CNST: variants seen among roughly 807,000 people sequenced by gnomAD.
The protein encoded by CNST is consortin.
In CNST, 39 loss-of-function variants were observed where a neutral mutation model predicts 72.4. The observed-to-expected ratio is 0.54, with a 90% CI of 0.42 to 0.70. The LOEUF is 0.70. CNST is among the 30% of genes least tolerant of loss of function. The probability of loss-of-function intolerance (pLI) is 0.00; values close to 1 mark genes in which losing one functional copy is unlikely to be tolerated. For missense variants in CNST, 871 were observed against 868.5 expected (o/e 1.00, Z -0.04); for synonymous variants, 332 against 320.1 (o/e 1.04, Z -0.40).
chr1:246,624,222 C>G (rs1276120352), intron 3 of CNST, among the ~76,000 whole-genome samples: 2 of 152,192 alleles, frequency 1.3e-5, no homozygotes, highest in Non-Finnish European at 2.9e-5. Context: ...TGTTGAGTAG[C>G]ACCAACATCA....
intron 1 of CNST, chr1:246,569,882 C>T: frequency 3.1e-6 from 3 of 953,254 alleles, no homozygotes; most frequent in Non-Finnish European, 3.7e-6. Flanking sequence ...GTATGAGTTT[C>T]TGTCGACTAA....
chr1:246,626,224 AT>A (rs1441543153), intron 3 of CNST, among the ~76,000 whole-genome samples: 2 of 151,096 alleles, frequency 1.3e-5, no homozygotes, highest in African/African-American at 4.9e-5. Flanking sequence ...TAATTTTTTT[AT>A]TTTTTTGTAG....
chr1:246,579,326 T>C (rs568641607), intron 1 of CNST, among the ~76,000 whole-genome samples: 1 of 152,332 alleles, frequency 6.6e-6, no homozygotes, highest in African/African-American at 2.4e-5. Flanking sequence ...TCTGCCTTGT[T>C]GCCCATTAGG....
rs1410523462 is a variant in CNST at position 246,666,768 on chromosome 1, T to TA, written c.*864dup. The TA allele has an allele frequency of 6.6e-5, 10 of 152,236 alleles. No homozygotes were observed. The highest frequency in any genetic ancestry group is 8.8e-5 in the Non-Finnish European group (6 of 68,042). The allele number at this position is 152,236 out of a possible 1,614,324, so 9.4% of individuals were successfully genotyped here. On this transcript the variant is annotated 3_prime_UTR_variant, in exon 11 of 11. Coordinates refer to ENST00000366513, the MANE Select transcript of CNST (RefSeq NM_152609.3). ...TGCTGGACTCAGTTTGGCAAACGCT[T>TA]ACACCTATTATGTTCTGAGATTCTG...
intron 2 of CNST, among the ~76,000 whole-genome samples, chr1:246,604,113 C>T (rs1328122518): frequency 2.0e-5 from 3 of 151,958 alleles, no homozygotes; most frequent in Non-Finnish European, 2.9e-5. Flanking sequence ...GTGCCTGTAC[C>T]ATTATAGGCA....
At chr1:246,639,337 G>T (rs186295966) in intron 6 of CNST, among the ~76,000 whole-genome samples, 250 of 152,164 alleles carry the variant, frequency 1.6e-3, no homozygotes, top group African/African-American at 5.7e-3. Context: ...TTAGTATAAC[G>T]GTTTGGCAAG....
intron 10 of CNST, among the ~76,000 whole-genome samples, chr1:246,664,349 C>T (rs752510649): frequency 2.6e-5 from 4 of 152,056 alleles, no homozygotes; most frequent in Admixed American, 6.5e-5. Context: ...TATGTTGAAA[C>T]TATATGTCCC....
chr1:246,583,154 A>C (rs1355156863), intron 1 of CNST, among the ~76,000 whole-genome samples: 1 of 152,136 alleles, frequency 6.6e-6, no homozygotes, highest in African/African-American at 2.4e-5. Flanking sequence ...GGTCTTGTGA[A>C]TATTTGGTGG....
chr1:246,647,335 C>T lies in CNST; in HGVS notation c.1134C>T (p.Ser378=), dbSNP rs761010475. 4 of 1,614,156 alleles carry T rather than the reference C, an allele frequency of 2.5e-6. No individual in the cohort carries two copies. Among genetic ancestry groups the T allele is most frequent in the East Asian group, 2.2e-5 (1 of 44,884 alleles). ...CGTTAGCGCTCCACACCCAGTCCTC[C>T]GAGACAGCAGGGAGCCCGTCTGGGC... The part of the protein sequence containing the change: ...EATLALHTQS[S]ETAGSPSGPD... Residue 378 remains serine (S), a synonymous_variant, in exon 9 of 11, where the codon TCC becomes TCT. Coordinates refer to ENST00000366513, the MANE Select transcript of CNST (RefSeq NM_152609.3).
chr1:246,570,594 G>A (rs2102998167), intron 1 of CNST, among the ~76,000 whole-genome samples: 1 of 152,316 alleles, frequency 6.6e-6, no homozygotes, highest in African/African-American at 2.4e-5. Flanking sequence ...GGACTATGGG[G>A]AGTGTTAGAG....
At position 246,621,475 on chromosome 1, in the gene CNST, A is replaced by G; in HGVS notation, c.426A>G (p.Leu142=). The G allele has an allele frequency of 6.2e-7, 1 of 1,614,216 alleles. No homozygotes were observed. Among genetic ancestry groups the G allele is most frequent in the Middle Eastern group, 1.6e-4 (1 of 6,062 alleles). Residue 142 remains leucine (L), a synonymous_variant, in exon 3 of 11, where the codon CTA becomes CTG. Transcript: ENST00000366513. ...DIAPLMQEKV[L]SAVTYAVDDE... ...CACCTTTAATGCAAGAAAAAGTACT[A>G]AGCGCAGTCACATATGCTGTTGATG...
chr1:246,648,567 C>T (rs924655544), intron 9 of CNST, among the ~76,000 whole-genome samples: 1 of 151,660 alleles, frequency 6.6e-6, no homozygotes, highest in Non-Finnish European at 1.5e-5. Context: ...GAAAAATTAC[C>T]ATTTTTCATT....
rs144662107 is a variant in CNST at position 246,601,166 on chromosome 1, G to C, written c.379+9225G>C. 1.9e-3 allele frequency among the ~76,000 whole-genome samples: 291 copies of C among 152,092 alleles called. 1 individual carries two copies. The highest frequency in any genetic ancestry group is 3.1e-3 in the Non-Finnish European group (214 of 67,996). On this transcript the variant is annotated intron_variant, in intron 2 of 10. Coordinates refer to ENST00000366513, the MANE Select transcript of CNST (RefSeq NM_152609.3). ...TCAAAAAATAAAAAAAATAGCAGGC[G>C]TGGTGGCATACATCTGTAGTCCCAG...
At chr1:246,590,248 GC>G (rs1453177382) in intron 1 of CNST, among the ~76,000 whole-genome samples, 1 of 152,154 alleles carries the variant, frequency 6.6e-6, no homozygotes, top group Non-Finnish European at 1.5e-5. Flanking sequence ...GTGACTGGGG[GC>G]TACATGCATC....
chr1:246,589,634 A>G (rs1282997874), intron 1 of CNST, among the ~76,000 whole-genome samples: 2 of 152,292 alleles, frequency 1.3e-5, no homozygotes, highest in East Asian at 1.9e-4. Flanking sequence ...ATACCCAGTA[A>G]TGGGATGGCT....
intron 1 of CNST, among the ~76,000 whole-genome samples, chr1:246,578,625 C>T (rs1048677419): frequency 3.3e-5 from 5 of 151,842 alleles, no homozygotes; most frequent in South Asian, 2.1e-4. Flanking sequence ...GAGCCAATAT[C>T]GTGCCACTGC....
At chr1:246,611,325 T>C (rs116116837) in intron 2 of CNST, among the ~76,000 whole-genome samples, 1,913 of 152,270 alleles carry the variant, frequency 0.013, 16 homozygotes, top group Middle Eastern at 0.027. Context: ...TTACATCTTA[T>C]AGTTCTGGAT....
chr1:246,633,792 T>C (rs1319978158), intron 4 of CNST, 132 bp from the exon 5 acceptor site: 1 of 573,652 alleles, frequency 1.7e-6, no homozygotes, highest in Non-Finnish European at 3.1e-6. Context: ...TATGTTTAAA[T>C]TTAAAAATAT....
intron 1 of CNST, among the ~76,000 whole-genome samples, chr1:246,585,885 GC>G (rs767466784): frequency 2.6e-5 from 4 of 151,912 alleles, no homozygotes; most frequent in Non-Finnish European, 4.4e-5. Flanking sequence ...TTTGAGACCA[GC>G]CTGGGCAACA....
Sources: allele counts gnomAD v4.1 joint callset (sites outside exome capture counted in the v4.1 genomes callset), GRCh38; gene constraint gnomAD v4.1.1; transcripts MANE v1.5; gene names NCBI Gene and HGNC (gene_info 2026-07-23, HGNC 2026-07-21).